The following VWF variants were observed in gnomAD, a reference collection of about 807,000 sequenced individuals.
VWF encodes the protein von Willebrand factor, also known as Factor VIII related antigen.
VWF carries 176 observed loss-of-function variants against 308.6 expected under a neutral mutation model. The observed-to-expected ratio is 0.57, with a 90% CI of 0.50 to 0.65. The LOEUF is 0.65. VWF is among the 30% of genes least tolerant of loss of function. The probability of loss-of-function intolerance (pLI) is 0.00; values close to 1 mark genes in which losing one functional copy is unlikely to be tolerated. For missense variants in VWF, 3,146 were observed against 3,648.2 expected (o/e 0.86, Z 3.55); for synonymous variants, 1,385 against 1,443.4 (o/e 0.96, Z 0.92).
chr12:6,015,360 T>C (rs1944043780), intron 31 of VWF, among the ~76,000 whole-genome samples: 1 of 151,984 alleles, frequency 6.6e-6, no homozygotes. Flanking sequence ...ACGGAGCAAA[T>C]AACTTCCTCA....
rs368886816 is a variant in VWF at position 5,987,148 on chromosome 12, G to A, written c.6799-1483C>T. Among the ~76,000 whole-genome samples, 13 of 151,976 alleles carry A rather than the reference G, an allele frequency of 8.6e-5. No homozygotes were observed. The East Asian group carries it at 1.2e-3, about 14-fold the overall frequency. On this transcript the variant is annotated intron_variant, in intron 38 of 51. Transcript: ENST00000261405. ...CACCATGTTGGCCAGGCTGGGTCTC[G>A]AATTCCTGACCTCAAGTGATCCACC...
chr12:5,983,587 AGATAG>A (rs1293904171), intron 40 of VWF, among the ~76,000 whole-genome samples: 1 of 148,462 alleles, frequency 6.7e-6, no homozygotes, highest in Non-Finnish European at 1.5e-5. Flanking sequence ...GCTTAGAGAG[AGATAG>A]GATAGATGAT....
chr12:6,057,644 T>C (rs1007300868), intron 14 of VWF, among the ~76,000 whole-genome samples: 8 of 148,254 alleles, frequency 5.4e-5, no homozygotes, highest in African/African-American at 1.7e-4. Context: ...GGTTGGCCTG[T>C]GGCGGGCGCC....
At chr12:6,050,874 G>C (rs1944501241) in intron 16 of VWF, among the ~76,000 whole-genome samples, 1 of 151,690 alleles carries the variant, frequency 6.6e-6, no homozygotes, top group African/African-American at 2.4e-5. Context: ...AGAATCGCTT[G>C]AACCCCAGAG....
chr12:6,122,663 A>G (rs903382391), intron 2 of VWF: 6 of 439,210 alleles, frequency 1.4e-5, no homozygotes, highest in Admixed American at 1.3e-4. Flanking sequence ...TAGCAAGGGA[A>G]GGGCAGCAGT....
At chr12:5,955,394 A>T (rs921158326) in intron 47 of VWF, among the ~76,000 whole-genome samples, 1 of 150,302 alleles carries the variant, frequency 6.7e-6, no homozygotes, top group Non-Finnish European at 1.5e-5. Flanking sequence ...CAGTCCCCAG[A>T]GTGTGATGTT....
chr12:6,111,792 T>C (rs889122541), intron 3 of VWF, among the ~76,000 whole-genome samples: 18 of 150,996 alleles, frequency 1.2e-4, no homozygotes, highest in African/African-American at 3.9e-4. Flanking sequence ...CTACTAAAAA[T>C]ATGAAGAAAA....
rs905814542 is a variant in VWF at position 5,981,832 on chromosome 12, G to A, written c.7241C>T (p.Ala2414Val). ...TGTGGTACAGCCACAGTCATTGGTG[G>A]CAGTTGAGGCCAAGTACCCAAGGGG... The part of the protein sequence containing the change: ...SCPLGYLAST[A>V]TNDCGCTTTT... The change falls in exon 42 of 52, where the codon GCC (alanine) becomes GTC (valine). Residue 2414 changes from alanine (A) to valine (V), a missense_variant. This residue lies in a region of VWF where 989 missense variants were observed against 1,117.4 expected (regional missense o/e 0.89). Coordinates refer to ENST00000261405, the MANE Select transcript of VWF (RefSeq NM_000552.5). The A allele has an allele frequency of 2.5e-6, 4 of 1,613,992 alleles. No homozygotes were observed. Among genetic ancestry groups the A allele is most frequent in the Non-Finnish European group, 3.4e-6 (4 of 1,180,020 alleles).
At chr12:6,035,097 C>A (rs1944320676) in intron 19 of VWF, among the ~76,000 whole-genome samples, 1 of 152,148 alleles carries the variant, frequency 6.6e-6, no homozygotes, top group South Asian at 2.1e-4. Context: ...AGCCAGGCAG[C>A]CAGGGAGGAG....
chr12:6,046,910 C>T lies in VWF; in HGVS notation c.2187-93G>A, dbSNP rs1944452374. The T allele has an allele frequency of 2.6e-6, 3 of 1,153,490 alleles. No individual in the cohort carries two copies. The highest frequency in any genetic ancestry group is 1.3e-5 in the South Asian group (1 of 77,320). The allele number at this position is 1,153,490 out of a possible 1,614,324, so 71.5% of individuals were successfully genotyped here. ...CCTCCCACTCACTCTCTGCCCCTTC[C>T]AACCAGGTCCCAGTCCCATAACCCC... is the stretch of plus-strand genomic sequence containing the variant. On this transcript the variant is annotated intron_variant, in intron 16 of 51. Transcript: ENST00000261405. The surrounding 1 kb of genome is among the most constrained non-coding windows in gnomAD (Gnocchi z 5.0).
intron 16 of VWF, among the ~76,000 whole-genome samples, chr12:6,050,466 A>G (rs1352194801): frequency 6.6e-6 from 1 of 152,218 alleles, no homozygotes; most frequent in Non-Finnish European, 1.5e-5. Flanking sequence ...CTCCCTGCTA[A>G]GAACCTTCCA....
At chr12:6,098,814 G>A (rs905955367) in intron 5 of VWF, among the ~76,000 whole-genome samples, 3 of 151,524 alleles carry the variant, frequency 2.0e-5, no homozygotes, top group East Asian at 1.9e-4. Context: ...GAAAGAGGGG[G>A]AAAGGATAAG....
intron 18 of VWF, among the ~76,000 whole-genome samples, chr12:6,037,327 G>A (rs757651344): frequency 6.6e-6 from 1 of 152,082 alleles, no homozygotes; most frequent in Non-Finnish European, 1.5e-5. Context: ...CACTCTGGAG[G>A]TGAGGGCCAA....
At chr12:6,061,422 A>G (rs958231042) in intron 13 of VWF, among the ~76,000 whole-genome samples, 1 of 151,476 alleles carries the variant, frequency 6.6e-6, no homozygotes, top group African/African-American at 2.4e-5. Flanking sequence ...AGGATCTCCC[A>G]GACCTTCCTG....
chr12:6,083,830 TGCAAC>T (rs1944941289), intron 6 of VWF, among the ~76,000 whole-genome samples: 1 of 152,204 alleles, frequency 6.6e-6, no homozygotes, highest in Non-Finnish European at 1.5e-5. Context: ...AGGGGTCTTG[TGCAAC>T]CTCCACCAAG....
At chr12:6,102,512 G>A (rs537057597) in intron 5 of VWF, among the ~76,000 whole-genome samples, 21 of 152,214 alleles carry the variant, frequency 1.4e-4, no homozygotes, top group South Asian at 6.2e-4. Context: ...CGAGGCAGGC[G>A]GATCACGAGG....
Position 6,063,960 on chromosome 12 carries a change from A to C in VWF, c.1432+286T>G, listed in dbSNP as rs897918255. Among the ~76,000 whole-genome samples, 1 of 152,264 alleles carries C rather than the reference A, an allele frequency of 6.6e-6. No homozygotes were observed. Among genetic ancestry groups the C allele is most frequent in the Non-Finnish European group, 1.5e-5 (1 of 68,018 alleles). Reference sequence around the variant, plus strand: ...CAACTCGCCCCTTTGGTTCAAGCCAAATAAAAATCCTCTCGGTTCCCTTTT... The same window carrying C: ...CAACTCGCCCCTTTGGTTCAAGCCACATAAAAATCCTCTCGGTTCCCTTTT... On this transcript the variant is annotated intron_variant, in intron 12 of 51. Transcript: ENST00000261405. This position sits in a 1 kb window ranked among gnomAD's most constrained non-coding sequence, Gnocchi z 4.9.
chr12:6,040,052 G>A (rs1032822837), intron 18 of VWF, among the ~76,000 whole-genome samples: 1 of 152,100 alleles, frequency 6.6e-6, no homozygotes, highest in Non-Finnish European at 1.5e-5. Context: ...TTCCCTTTCT[G>A]TCCTCAGTCT....
rs766271288 is a variant in VWF at position 6,018,745 on chromosome 12, T to A, written c.4673A>T (p.Lys1558Ile). 3.1e-6 allele frequency: 5 copies of A among 1,613,582 alleles called. No homozygotes were observed. In the South Asian group the frequency reaches 5.5e-5, roughly 18 times the overall value. The change falls in exon 28 of 52, where the codon AAA becomes ATA. Residue 1558 changes from lysine to isoleucine, a missense_variant. Lys to Ile is a moderately radical substitution (Grantham distance 102). Around this residue, in one of 3 missense-constraint regions of VWF, gnomAD observed 853 missense variants for 1,177.8 expected, o/e 0.72. Transcript: ENST00000261405. ...TCGCACCCGCTGCAGGATGTCCCCT[T>A]TGGACTGTGCCTCGCTGAAGGGGTA... ...VEYPFSEAQS[K>I]GDILQRVREI... is the part of the protein sequence containing the mutation.
Sources: gnomAD v4.1 joint callset for allele counts (sites outside exome capture counted in the v4.1 genomes callset) on GRCh38, gnomAD v4.1.1 for gene constraint, gnomAD v4.1.1 regional missense constraint, Gnocchi (gnomAD v3.1) non-coding constraint, MANE v1.5 for transcripts, NCBI Gene and HGNC (gene_info 2026-07-23, HGNC 2026-07-21) for gene names.